The following ZC3H18 variants were observed in gnomAD, a reference collection of about 807,000 sequenced individuals.
The protein encoded by ZC3H18 is zinc finger CCCH domain-containing protein 18.
ZC3H18 carries 8 observed loss-of-function variants against 106.1 expected under a neutral mutation model. The observed-to-expected ratio is 0.08, with a 90% CI of 0.04 to 0.14. ZC3H18 has a LOEUF of 0.14. Ranked by LOEUF, ZC3H18 falls within the 10% of genes least tolerant of loss-of-function variation. The probability of loss-of-function intolerance (pLI) is 1.00; values close to 1 mark genes in which losing one functional copy is unlikely to be tolerated. For synonymous variants in ZC3H18, 635 were observed against 522.1 expected (o/e 1.22, Z -2.95); for missense variants, 1,318 against 1,278.4 (o/e 1.03, Z -0.47).
At chr16:88,606,154 A>G (rs1401673710) in intron 6 of ZC3H18, among the ~76,000 whole-genome samples, 1 of 152,226 alleles carries the variant, frequency 6.6e-6, no homozygotes, top group Non-Finnish European at 1.5e-5. Flanking sequence ...TCCCTAAAAC[A>G]GTTGGGGAAG....
At chr16:88,601,187 T>C (rs1904733030) in intron 6 of ZC3H18, among the ~76,000 whole-genome samples, 1 of 152,240 alleles carries the variant, frequency 6.6e-6, no homozygotes, top group Non-Finnish European at 1.5e-5. Context: ...GGGATAGGTA[T>C]TTAAAGACTT....
At position 88,623,240 on chromosome 16, in the gene ZC3H18, C is replaced by T. The variant is rs1291803200; in HGVS notation, c.1689C>T (p.Ser563=). Residue 563 remains serine (S), a synonymous_variant, in exon 10 of 18, where the codon TCC becomes TCT. Coordinates refer to ENST00000301011, the MANE Select transcript of ZC3H18 (RefSeq NM_144604.4). ...CCAGGTCGTCTTCGCGGTCATCGTC[C>T]TACTCTGGCTCCGGCTCCTCCCGGT... ...NSSRSSSRSS[S]YSGSGSSRSR... The T allele has an allele frequency of 6.2e-7, 1 of 1,613,384 alleles. No homozygotes were observed. Among genetic ancestry groups the T allele is most frequent in the South Asian group, 1.1e-5 (1 of 91,092 alleles).
rs1373704629 is a variant in ZC3H18, at chr16:88,631,438, G to A, written c.*139G>A. On this transcript the variant is annotated 3_prime_UTR_variant, in exon 18 of 18. Coordinates refer to ENST00000301011, the MANE Select transcript of ZC3H18 (RefSeq NM_144604.4). Reference sequence around the variant, plus strand: ...AAAAAAAAGTTTCTCAGCTGGAAAAGAAGCCACACAGGAAATGACAACGAC... The same window carrying A: ...AAAAAAAAGTTTCTCAGCTGGAAAAAAAGCCACACAGGAAATGACAACGAC... 2 of 1,206,166 alleles carry A rather than the reference G, an allele frequency of 1.7e-6. No individual in the cohort carries two copies. Among genetic ancestry groups the A allele is most frequent in the African/African-American group, 3.1e-5 (2 of 65,096 alleles). 74.7% of individuals were successfully genotyped at this position (1,206,166 alleles called of 1,614,324 possible). A position where few individuals can be genotyped will look rare whatever the true frequency, so the allele number is the denominator to read the frequency against.
At chr16:88,571,725 A>T in intron 1 of ZC3H18, 3 of 970,406 alleles carry the variant, frequency 3.1e-6, no homozygotes, top group Non-Finnish European at 3.7e-6. Context: ...ATTTTGTCAC[A>T]GCTACAGAGC....
At chr16:88,601,184 G>A (rs1904732915) in intron 6 of ZC3H18, among the ~76,000 whole-genome samples, 1 of 152,248 alleles carries the variant, frequency 6.6e-6, no homozygotes, top group Non-Finnish European at 1.5e-5. Context: ...AAAGGGATAG[G>A]TATTTAAAGA....
At chr16:88,618,623 C>G (rs376587783) in intron 8 of ZC3H18, among the ~76,000 whole-genome samples, 5 of 152,248 alleles carry the variant, frequency 3.3e-5, no homozygotes, top group South Asian at 2.1e-4. Context: ...GCCTCGGGCC[C>G]TTGGTTTTGT....
chr16:88,599,899 G>C lies in ZC3H18; in HGVS notation c.1039G>C (p.Val347Leu). The C allele has an allele frequency of 1.2e-6, 2 of 1,614,200 alleles. No homozygotes were observed. The highest frequency in any genetic ancestry group is 1.7e-6 in the Non-Finnish European group (2 of 1,180,032). The part of the protein sequence containing the change: ...DEREFDKENE[V>L]FRDWNSRIPR... ...ACGGGAATTTGACAAAGAAAATGAA[G>C]TTTTTCGAGATTGGAATTCTCGGAT... Residue 347 changes from valine (V) to leucine (L), a missense_variant, in exon 6 of 18, where the codon GTT (valine) becomes CTT (leucine). Transcript: ENST00000301011.
intron 3 of ZC3H18, chr16:88,587,554 C>A (rs1282054100): frequency 3.3e-6 from 5 of 1,536,080 alleles, no homozygotes; most frequent in Non-Finnish European, 4.4e-6. Flanking sequence ...GTTGTGACAC[C>A]ATTATCCACT....
intron 6 of ZC3H18, among the ~76,000 whole-genome samples, chr16:88,606,910 C>T (rs1461299208): frequency 6.6e-6 from 1 of 152,156 alleles, no homozygotes; most frequent in African/African-American, 2.4e-5. Context: ...GCCATGATGC[C>T]TCAGGTTCCC....
intron 3 of ZC3H18, among the ~76,000 whole-genome samples, chr16:88,587,051 G>A (rs1023839783): frequency 6.6e-6 from 1 of 152,194 alleles, no homozygotes; most frequent in Admixed American, 6.5e-5. Flanking sequence ...ACCAGAATTA[G>A]CATTTTCCCC....
chr16:88,586,488 C>T (rs1229684792), intron 2 of ZC3H18, 112 bp from the exon 3 acceptor site: 6 of 865,984 alleles, frequency 6.9e-6, no homozygotes, highest in Non-Finnish European at 1.2e-5. Flanking sequence ...GAATTCAATT[C>T]CTGTGACAAT....
chr16:88,630,747 C>CTT (rs1489465293), intron 17 of ZC3H18, among the ~76,000 whole-genome samples, 166 bp downstream of exon 17: 1 of 87,412 alleles, frequency 1.1e-5, no homozygotes, highest in Admixed American at 1.0e-4. Context: ...AATTGCAGCC[C>CTT]CACCCCCCAC....
chr16:88,574,229 C>G (rs886886670), intron 1 of ZC3H18, among the ~76,000 whole-genome samples: 1 of 151,796 alleles, frequency 6.6e-6, no homozygotes, highest in East Asian at 1.9e-4. Flanking sequence ...TCTTTTGAGA[C>G]GGAGTCTCGC....
intron 3 of ZC3H18, among the ~76,000 whole-genome samples, chr16:88,597,870 T>G (rs1306990711): frequency 6.6e-6 from 1 of 152,136 alleles, no homozygotes; most frequent in Non-Finnish European, 1.5e-5. Flanking sequence ...GCTTTTCTGG[T>G]TTAAGGGGAA....
chr16:88,578,001 A>G (rs1345784773), intron 2 of ZC3H18, among the ~76,000 whole-genome samples: 2 of 152,182 alleles, frequency 1.3e-5, no homozygotes, highest in Non-Finnish European at 2.9e-5. Context: ...GTTGTAGTGA[A>G]AGGTCCAGCG....
chr16:88,580,543 A>G (rs1474125488), intron 2 of ZC3H18, among the ~76,000 whole-genome samples: 5 of 152,116 alleles, frequency 3.3e-5, no homozygotes, highest in African/African-American at 7.2e-5. Flanking sequence ...GGCTGCTTCC[A>G]GCTTTTTCCT....
chr16:88,580,344 A>C (rs930148173), intron 2 of ZC3H18, among the ~76,000 whole-genome samples: 1 of 152,004 alleles, frequency 6.6e-6, no homozygotes. Context: ...GAGGAATCCT[A>C]CTTGCCCGGG....
At chr16:88,607,706 C>CGGG (rs1185797021) in intron 6 of ZC3H18, among the ~76,000 whole-genome samples, 15 of 151,998 alleles carry the variant, frequency 9.9e-5, no homozygotes, top group South Asian at 2.1e-4. Flanking sequence ...TCAGGCGTCT[C>CGGG]CCCATTTATT....
intron 3 of ZC3H18, chr16:88,587,507 A>G (rs759526058): frequency 9.0e-5 from 137 of 1,520,182 alleles, no homozygotes; most frequent in Non-Finnish European, 1.1e-4. Context: ...TGTGCCATCT[A>G]AAGCTCACAA....
Sources: gnomAD v4.1 joint callset for allele counts (sites outside exome capture counted in the v4.1 genomes callset) on GRCh38, gnomAD v4.1.1 for gene constraint, MANE v1.5 for transcripts, NCBI Gene and HGNC (gene_info 2026-07-23, HGNC 2026-07-21) for gene names.